The following GSK3B variants were observed in gnomAD, a reference collection of about 807,000 sequenced individuals.
GSK3B encodes the protein glycogen synthase kinase-3 beta.
In GSK3B, 15 loss-of-function variants were observed where a neutral mutation model predicts 56.4. The observed-to-expected ratio is 0.27, with a 90% confidence interval of 0.18 to 0.41. GSK3B has a LOEUF of 0.41. Ranked by LOEUF, GSK3B falls within the 10% of genes least tolerant of loss-of-function variation. The pLI is 1.00. For missense variants in GSK3B, 300 were observed against 513.4 expected (o/e 0.58, Z 4.02); for synonymous variants, 181 against 188.9 (o/e 0.96, Z 0.34).
chr3:119,879,555 T>C (rs1272715849), intron 7 of GSK3B, among the ~76,000 whole-genome samples: 1 of 152,156 alleles, frequency 6.6e-6, no homozygotes, highest in Non-Finnish European at 1.5e-5. Flanking sequence ...TATTATTGAG[T>C]ATAGTCACCC....
At chr3:119,947,107 T>C (rs543084093) in intron 3 of GSK3B, among the ~76,000 whole-genome samples, 161 bp downstream of exon 3, 4 of 152,202 alleles carry the variant, frequency 2.6e-5, no homozygotes, top group Non-Finnish European at 4.4e-5. Context: ...ATATAACTAA[T>C]GATATCAATG....
At chr3:119,998,601 C>T (rs2057646640) in intron 2 of GSK3B, among the ~76,000 whole-genome samples, 1 of 152,256 alleles carries the variant, frequency 6.6e-6, no homozygotes, top group African/African-American at 2.4e-5. Flanking sequence ...GTAAGGAAGA[C>T]ACACACTCTA....
At position 120,030,180 on chromosome 3, in the gene GSK3B, C is replaced by T. The variant is rs528463386; in HGVS notation, c.89-27941G>A. ...CACTTGAGGTCCTCCTATGCTAGTT[C>T]CTTCCCTATCAGCTTCTAAACGTTG... On this transcript the variant is annotated intron_variant, in intron 1 of 10. Transcript: ENST00000264235. Among the ~76,000 whole-genome samples the T allele has an allele frequency of 4.4e-4, 67 of 152,260 alleles. No homozygotes were observed. In the South Asian group the frequency reaches 0.01, roughly 24 times the overall value.
chr3:120,048,961 TA>T (rs1363978098), intron 1 of GSK3B, among the ~76,000 whole-genome samples: 1 of 152,150 alleles, frequency 6.6e-6, no homozygotes, highest in East Asian at 1.9e-4. Flanking sequence ...AATTCCCAAG[TA>T]CAGAAAAGGG....
At chr3:119,946,085 GAAA>G (rs758014999) in intron 3 of GSK3B, among the ~76,000 whole-genome samples, 1 of 122,718 alleles carries the variant, frequency 8.1e-6, no homozygotes. Flanking sequence ...CATTTAAACT[GAAA>G]AAAAAAAAAA....
At chr3:119,998,605 C>T (rs543928949) in intron 2 of GSK3B, among the ~76,000 whole-genome samples, 1 of 152,146 alleles carries the variant, frequency 6.6e-6, no homozygotes, top group South Asian at 2.1e-4. Flanking sequence ...GGAAGACACA[C>T]ACTCTAAAAG....
In GSK3B at chr3:120,094,406, G is replaced by GGCC. The variant is rs1310592516; in HGVS notation, c.-973_-972insGGC. 1 of 322,870 alleles carries GGCC rather than the reference G, an allele frequency of 3.1e-6. No individual in the cohort carries two copies. The highest frequency in any genetic ancestry group is 5.7e-6 in the Non-Finnish European group (1 of 174,882). The allele number at this position is 322,870 out of a possible 1,614,324, so 20.0% of individuals were successfully genotyped here. ...CCCGGGCGGCGGCGGCGGCGGCGGC[G>GGCC]GCACAAGCCCGCATTCGCCCGGGTC... On this transcript the variant is annotated 5_prime_UTR_variant, in exon 1 of 11. Transcript: ENST00000264235.
chr3:119,872,374 G>A (rs1363250668), intron 8 of GSK3B, among the ~76,000 whole-genome samples: 1 of 152,126 alleles, frequency 6.6e-6, no homozygotes, highest in East Asian at 1.9e-4. Flanking sequence ...GAAGAGGCAA[G>A]CAATTAATAA....
rs1033960736 is a variant in GSK3B, at chr3:119,971,313, T to C, written c.283-23962A>G. On this transcript the variant is annotated intron_variant, in intron 2 of 10. Transcript: ENST00000264235. ...TAAAACATCACAAAACTAGAATTTT[T>C]AAAAGAAACCAACCATTTTGTAGAA... 5.3e-5 allele frequency among the ~76,000 whole-genome samples: 8 copies of C among 152,310 alleles called. No homozygotes were observed. In the South Asian group the frequency reaches 1.7e-3, roughly 32 times the overall value.
At chr3:119,845,886 C>T (rs186281613) in intron 9 of GSK3B, among the ~76,000 whole-genome samples, 78 of 150,058 alleles carry the variant, frequency 5.2e-4, no homozygotes, top group East Asian at 4.3e-3. Flanking sequence ...ACAAAGCTGG[C>T]GGCATCAGCA....
chr3:119,970,068 C>T (rs1291341936), intron 2 of GSK3B, among the ~76,000 whole-genome samples: 4 of 152,146 alleles, frequency 2.6e-5, no homozygotes, highest in African/African-American at 9.7e-5. Context: ...CATAATGGTG[C>T]CAAAGCACAA....
intron 2 of GSK3B, among the ~76,000 whole-genome samples, chr3:119,994,705 C>A (rs1025313099): frequency 1.3e-5 from 2 of 151,906 alleles, no homozygotes; most frequent in African/African-American, 4.8e-5. Context: ...TTACACAAAC[C>A]CAAATAGCTG....
chr3:120,058,064 A>G (rs758513091), intron 1 of GSK3B, among the ~76,000 whole-genome samples: 1 of 152,110 alleles, frequency 6.6e-6, no homozygotes. Flanking sequence ...TTATTTATTT[A>G]GTAAGGAAAA....
intron 2 of GSK3B, 61 bp from the exon 3 acceptor site, chr3:119,947,412 C>A (rs2057111366): frequency 1.0e-6 from 1 of 1,004,324 alleles, no homozygotes; most frequent in Non-Finnish European, 1.6e-6. Context: ...TCATATTGAA[C>A]AAGATGCTTC....
chr3:119,927,276 T>C (rs997391959), intron 3 of GSK3B, among the ~76,000 whole-genome samples: 3 of 152,196 alleles, frequency 2.0e-5, no homozygotes, highest in African/African-American at 7.2e-5. Context: ...CAAACTGACA[T>C]GTCTGTTTTA....
At chr3:119,908,830 G>A (rs567680797) in intron 6 of GSK3B, among the ~76,000 whole-genome samples, 41 of 152,294 alleles carry the variant, frequency 2.7e-4, no homozygotes, top group Non-Finnish European at 4.0e-4. Context: ...TGTACTGAGG[G>A]TACAAAGGAA....
chr3:119,936,891 CA>C (rs1416583200), intron 3 of GSK3B, among the ~76,000 whole-genome samples: 8 of 151,906 alleles, frequency 5.3e-5, no homozygotes, highest in Non-Finnish European at 1.2e-4. Context: ...CAACTGGACC[CA>C]ACATACATAT....
chr3:119,951,679 T>TA (rs547773697), intron 2 of GSK3B, among the ~76,000 whole-genome samples: 3 of 151,670 alleles, frequency 2.0e-5, no homozygotes, highest in East Asian at 1.9e-4. Context: ...ATAATCAGGT[T>TA]AAAAAAAAGC....
intron 1 of GSK3B, among the ~76,000 whole-genome samples, chr3:120,011,781 C>T (rs1449521230): frequency 1.3e-5 from 2 of 152,128 alleles, no homozygotes; most frequent in Non-Finnish European, 2.9e-5. Context: ...GCCAACTTGG[C>T]AATAAGATAA....
Sources: allele counts gnomAD v4.1 joint callset (sites outside exome capture counted in the v4.1 genomes callset), GRCh38; gene constraint gnomAD v4.1.1; transcripts MANE v1.5; gene names NCBI Gene and HGNC (gene_info 2026-07-23, HGNC 2026-07-21).